TSBP1: variants seen among roughly 807,000 people sequenced by gnomAD.
The protein encoded by TSBP1 is testis expressed basic protein 1.
In TSBP1, 56 loss-of-function variants were observed where a neutral mutation model predicts 68.8. The observed-to-expected ratio is 0.81, with a 90% confidence interval of 0.66 to 1.02. The LOEUF (loss-of-function observed/expected upper bound fraction) is 1.02. Among genes scored for constraint, TSBP1 ranks in the 50% least tolerant of loss-of-function variants. TSBP1 has a pLI of 0.00. For missense variants in TSBP1, 502 were observed against 641.2 expected, an observed-to-expected ratio of 0.78 and a Z score of 2.34; for synonymous variants, 171 against 208.7, an observed-to-expected ratio of 0.82 and a Z score of 1.56.
intron 6 of TSBP1, among the ~76,000 whole-genome samples, chr6:32,356,138 T>C (rs185460587): frequency 6.6e-6 from 1 of 152,318 alleles, no homozygotes; most frequent in Admixed American, 6.5e-5. Context: ...CAAAGCAAAT[T>C]ACATGGAAAA....
chr6:32,300,523 TAAG>T (rs1228259032), intron 21 of TSBP1, among the ~76,000 whole-genome samples, 154 bp downstream of exon 24: 2 of 152,164 alleles, frequency 1.3e-5, no homozygotes, highest in Non-Finnish European at 2.9e-5. Context: ...GGAAAATAGA[TAAG>T]AAGAATTAAA....
intron 9 of TSBP1, among the ~76,000 whole-genome samples, chr6:32,349,290 A>G (rs1034452593): frequency 4.6e-5 from 7 of 150,994 alleles, no homozygotes; most frequent in African/African-American, 1.7e-4. Flanking sequence ...GTTGCAGCTC[A>G]GGGGGATAGG....
chr6:32,368,727 T>C, intron 3 of TSBP1, 55 bp downstream of exon 3: 2 of 1,496,266 alleles, frequency 1.3e-6, no homozygotes, highest in African/African-American at 1.4e-5. Context: ...CTTTCCTGAC[T>C]TGTGAAAATT....
chr6:32,349,195 CTTTTTTT>C (rs9279592), intron 9 of TSBP1, among the ~76,000 whole-genome samples: 2 of 134,386 alleles, frequency 1.5e-5, no homozygotes, highest in Non-Finnish European at 3.2e-5. Flanking sequence ...CCATTTCTTT[CTTTTTTT>C]TTTTTTTTTT....
Position 32,365,546 on chromosome 6 carries a change from A to G in TSBP1, c.217+621T>C, listed in dbSNP as rs752538388. ...GCTCCCAGCCTCTCCTAACCATTCA[A>G]CTATGCTGATCATCTCAATGTTCTG... On this transcript the variant is annotated intron_variant, in intron 6 of 22. Coordinates refer to ENST00000612031, the Ensembl canonical transcript of TSBP1. This position sits in a 1 kb window ranked among gnomAD's most constrained non-coding sequence, Gnocchi z 4.3. 43 of 456,448 alleles carry G rather than the reference A, an allele frequency of 9.4e-5. No individual in the cohort carries two copies. Among genetic ancestry groups the G allele is most frequent in the African/African-American group, 6.4e-4 (32 of 50,132 alleles). 28.3% of individuals were successfully genotyped at this position (456,448 alleles called of 1,614,324 possible).
intron 4 of TSBP1, chr6:32,366,548 G>C: frequency 4.3e-6 from 2 of 461,348 alleles, no homozygotes; most frequent in Admixed American, 7.0e-5. Flanking sequence ...TGGATCACGA[G>C]GTCAGGAGAT....
chr6:32,335,052 A>G lies in TSBP1; in HGVS notation c.472+385T>C, dbSNP rs1187233052. 6.6e-6 allele frequency among the ~76,000 whole-genome samples: 1 copy of G among 152,150 alleles called. No individual in the cohort carries two copies. The highest frequency in any genetic ancestry group is 2.4e-5 in the African/African-American group (1 of 41,416). On this transcript the variant is annotated intron_variant, in intron 14 of 22. Coordinates refer to ENST00000612031, the Ensembl canonical transcript of TSBP1. This position sits in a 1 kb window ranked among gnomAD's most constrained non-coding sequence, Gnocchi z 5.5. The stretch of plus-strand genomic sequence containing the variant: ...CCATCTCAAAAAAAATAAAGAAAGG[A>G]AACTTAAAATTTGCATTATTTTACA...
intron 9 of TSBP1, among the ~76,000 whole-genome samples, chr6:32,344,004 G>A (rs951049702): frequency 1.0e-4 from 15 of 150,658 alleles, no homozygotes; most frequent in African/African-American, 3.7e-4. Flanking sequence ...CTGGGCATTA[G>A]TCTTATTTGT....
chr6:32,323,425 T>G (rs780879586), intron 17 of TSBP1, 166 bp downstream of exon 18: 1 of 735,528 alleles, frequency 1.4e-6, no homozygotes, highest in Non-Finnish European at 2.5e-6. Context: ...TATAACTTCT[T>G]TCTCAGGGAG....
Position 32,321,822 on chromosome 6 carries a change from C to T in TSBP1, c.559+1295G>A, listed in dbSNP as rs1375918353. Among the ~76,000 whole-genome samples, 3 of 152,146 alleles carry T rather than the reference C, an allele frequency of 2.0e-5. No homozygotes were observed. Among genetic ancestry groups the T allele is most frequent in the African/African-American group, 7.2e-5 (3 of 41,428 alleles). On this transcript the variant is annotated intron_variant, in intron 18 of 22. Coordinates refer to ENST00000612031, the Ensembl canonical transcript of TSBP1. The surrounding 1 kb of genome is among the most constrained non-coding windows in gnomAD (Gnocchi z 4.3). The stretch of plus-strand genomic sequence containing the variant: ...GTATGTTTGCAATCTGTTAGAGTAA[C>T]CCAGATGTCTGTCATGTTTAAAACT...
At chr6:32,329,156 A>G (rs766343714) in intron 16 of TSBP1, among the ~76,000 whole-genome samples, 1 of 152,196 alleles carries the variant, frequency 6.6e-6, no homozygotes, top group Non-Finnish European at 1.5e-5. Context: ...GAAAGCTAGA[A>G]AGGAATAAAA....
intron 19 of TSBP1, among the ~76,000 whole-genome samples, chr6:32,308,563 A>C (rs1582996176): frequency 7.1e-6 from 1 of 139,862 alleles, no homozygotes; most frequent in African/African-American, 2.7e-5. Context: ...CCGCCACTGC[A>C]CTCCAGCCTG....
Position 32,314,052 on chromosome 6 carries a change from C to T in TSBP1, c.580+1720G>A, listed in dbSNP as rs1766697437. Among the ~76,000 whole-genome samples, 1 of 152,064 alleles carries T rather than the reference C, an allele frequency of 6.6e-6. No homozygotes were observed. ...GAGGCAAAGCTGCTACCTCTGTTTC[C>T]TCATCCCCTCACCATTCCTCCCAAG... On this transcript the variant is annotated intron_variant, in intron 19 of 22. Coordinates refer to ENST00000612031, the Ensembl canonical transcript of TSBP1. The surrounding 1 kb of genome is among the most constrained non-coding windows in gnomAD (Gnocchi z 4.2).
chr6:32,369,483 G>C (rs1774146950), intron 2 of TSBP1, among the ~76,000 whole-genome samples: 1 of 149,066 alleles, frequency 6.7e-6, no homozygotes, highest in African/African-American at 2.5e-5. Context: ...CAATTCTCCT[G>C]CCTCAGTCTC....
At chr6:32,330,095 T>C (rs1583065303) in intron 16 of TSBP1, among the ~76,000 whole-genome samples, 1 of 152,316 alleles carries the variant, frequency 6.6e-6, no homozygotes, top group Non-Finnish European at 1.5e-5. Context: ...GGATAGGACA[T>C]GAGGAAAGAG....
rs1353227723 is a variant in TSBP1 at position 32,361,989 on chromosome 6, G to A, written c.217+4178C>T. 6.6e-6 allele frequency among the ~76,000 whole-genome samples: 1 copy of A among 151,996 alleles called. No homozygotes were observed. The highest frequency in any genetic ancestry group is 1.5e-5 in the Non-Finnish European group (1 of 68,008). ...AGTTGTCAGGCAAGTGGAACTGGTG[G>A]CTTCATAAGAAGAGGAACGGGCCGG... On this transcript the variant is annotated intron_variant, in intron 6 of 22. Coordinates refer to ENST00000612031, the Ensembl canonical transcript of TSBP1. The surrounding 1 kb of genome is among the most constrained non-coding windows in gnomAD (Gnocchi z 4.3).
intron 14 of TSBP1, among the ~76,000 whole-genome samples, chr6:32,332,802 G>A (rs897919384): frequency 4.6e-5 from 7 of 151,872 alleles, no homozygotes; most frequent in Non-Finnish European, 1.0e-4. Context: ...TAGAGATGGG[G>A]TCTTGCTCTG....
intron 18 of TSBP1, 76 bp downstream of exon 20, chr6:32,322,410 T>C (rs1320198129): frequency 5.1e-5 from 53 of 1,040,406 alleles, no homozygotes; most frequent in Non-Finnish European, 1.8e-5. Context: ...ATGAGAAATA[T>C]GAGGCACTTA....
intron 16 of TSBP1, among the ~76,000 whole-genome samples, chr6:32,328,953 T>C (rs1052175226): frequency 1.3e-5 from 2 of 152,206 alleles, no homozygotes; most frequent in Admixed American, 6.5e-5. Context: ...TATGGCATAG[T>C]GGTGAAGTCT....
Sources: gnomAD v4.1 joint callset for allele counts (sites outside exome capture counted in the v4.1 genomes callset) on GRCh38, gnomAD v4.1.1 for gene constraint, Gnocchi (gnomAD v3.1) non-coding constraint, MANE v1.5 for transcripts, NCBI Gene and HGNC (gene_info 2026-07-23, HGNC 2026-07-21) for gene names.